TSHZ2: variants seen among roughly 807,000 people sequenced by gnomAD.
TSHZ2 encodes the protein teashirt zinc finger homeobox 2.
TSHZ2 carries 21 observed loss-of-function variants against 74.4 expected under a neutral mutation model. That is an observed-to-expected ratio of 0.28 (90% CI 0.20 to 0.41). The LOEUF (loss-of-function observed/expected upper bound fraction) is 0.41. Among genes scored for constraint, TSHZ2 ranks in the 10% least tolerant of loss-of-function variants. The pLI, the probability that TSHZ2 is intolerant of heterozygous loss-of-function variation, is 1.00. For synonymous variants in TSHZ2, 540 were observed against 515.3 expected (o/e 1.05, Z -0.65); for missense variants, 1,244 against 1,293.5 (o/e 0.96, Z 0.59).
intron 1 of TSHZ2, among the ~76,000 whole-genome samples, chr20:53,209,725 G>A (rs554184105): frequency 6.6e-6 from 1 of 152,154 alleles, no homozygotes; most frequent in Admixed American, 6.5e-5. Context: ...GTTTGGAGCC[G>A]AGCTGAACTG....
At chr20:53,426,619 C>T (rs1033492686) in intron 2 of TSHZ2, among the ~76,000 whole-genome samples, 2 of 152,012 alleles carry the variant, frequency 1.3e-5, no homozygotes, top group South Asian at 2.1e-4. Flanking sequence ...TTTATTTTAG[C>T]GGAAGTTTCA....
At chr20:53,027,675 C>G (rs1414206910) in intron 1 of TSHZ2, among the ~76,000 whole-genome samples, 1 of 152,102 alleles carries the variant, frequency 6.6e-6, no homozygotes, top group Non-Finnish European at 1.5e-5. Context: ...CAGGGGATCG[C>G]TTGAGCCCAG....
intron 1 of TSHZ2, among the ~76,000 whole-genome samples, chr20:53,119,777 C>T (rs1986762374): frequency 6.6e-6 from 1 of 152,174 alleles, no homozygotes; most frequent in South Asian, 2.1e-4. Flanking sequence ...ATGGGGTTCA[C>T]TTTATATTTC....
rs1257480834 is a variant in TSHZ2, at chr20:53,238,482, G to A, written c.41-15017G>A. 3.9e-5 allele frequency among the ~76,000 whole-genome samples: 6 copies of A among 152,234 alleles called. No individual in the cohort carries two copies. In the East Asian group the frequency reaches 1.2e-3, roughly 29 times the overall value. The stretch of plus-strand genomic sequence containing the variant: ...TCAGAATTCACATTCCATGGAGCAA[G>A]AGTTTGGTTGGCCAAGCTGGTGTTC... On this transcript the variant is annotated intron_variant, in intron 1 of 2. Coordinates refer to ENST00000371497, the MANE Select transcript of TSHZ2 (RefSeq NM_173485.6).
chr20:53,054,681 C>T (rs1371582073), intron 1 of TSHZ2, among the ~76,000 whole-genome samples: 1 of 152,114 alleles, frequency 6.6e-6, no homozygotes, highest in African/African-American at 2.4e-5. Flanking sequence ...ATAAAATTTG[C>T]AAAAGTAAGA....
At chr20:53,469,354 G>A (rs535531617) in intron 2 of TSHZ2, among the ~76,000 whole-genome samples, 17 of 151,676 alleles carry the variant, frequency 1.1e-4, no homozygotes, top group African/African-American at 4.1e-4. Flanking sequence ...GACCAGCCTG[G>A]CCAACATGGT....
At chr20:53,284,942 C>A (rs970458797) in intron 2 of TSHZ2, among the ~76,000 whole-genome samples, 3 of 152,116 alleles carry the variant, frequency 2.0e-5, no homozygotes, top group African/African-American at 7.2e-5. Flanking sequence ...TGAAAGGCAG[C>A]AGAGGAAATG....
intron 2 of TSHZ2, among the ~76,000 whole-genome samples, chr20:53,394,001 A>T (rs113883645): frequency 1.3e-5 from 2 of 152,394 alleles, no homozygotes; most frequent in East Asian, 3.9e-4. Context: ...AAAAACTGAC[A>T]GAGTGACTGG....
At chr20:53,375,063 T>TAC (rs1981613616) in intron 2 of TSHZ2, among the ~76,000 whole-genome samples, 1 of 152,060 alleles carries the variant, frequency 6.6e-6, no homozygotes, top group African/African-American at 2.4e-5. Flanking sequence ...CATGTGTACA[T>TAC]ACACACACAC....
At chr20:53,290,537 AAAGTATCATTCTAAC>A (rs1333499362) in intron 2 of TSHZ2, among the ~76,000 whole-genome samples, 1 of 152,162 alleles carries the variant, frequency 6.6e-6, no homozygotes, top group Non-Finnish European at 1.5e-5. Context: ...TTGGGGAATA[AAAGTATCATTCTAAC>A]AATGTCCCCC....
In TSHZ2 at chr20:53,126,329, G is replaced by A. The variant is rs184256904; in HGVS notation, c.41-127170G>A. Among the ~76,000 whole-genome samples, 32 of 152,304 alleles carry A rather than the reference G, an allele frequency of 2.1e-4. No individual in the cohort carries two copies. The East Asian group carries it at 5.8e-3, about 28-fold the overall frequency. On this transcript the variant is annotated intron_variant, in intron 1 of 2. Transcript: ENST00000371497. ...CAGAAATTAGGGACTGCCTTGTCCC[G>A]TAATTTGATGCCCTACATGGGGAAA...
chr20:53,002,173 G>T (rs1449733436), intron 1 of TSHZ2, among the ~76,000 whole-genome samples: 1 of 152,172 alleles, frequency 6.6e-6, no homozygotes, highest in African/African-American at 2.4e-5. Context: ...CCCCAGTAAA[G>T]AGACATAATG....
In TSHZ2 at chr20:53,272,433, ACT is replaced by A. The variant is rs554551532; in HGVS notation, c.*8+15865_*8+15866del. ...TCCTGTTGTATTCCTTGGAACCCAG[ACT>A]CTACAAATATTGGATAAAAGAAAGG... On this transcript the variant is annotated intron_variant, in intron 2 of 2. Transcript: ENST00000371497. Among the ~76,000 whole-genome samples, 12 of 152,132 alleles carry A rather than the reference ACT, an allele frequency of 7.9e-5. No homozygotes were observed. In the South Asian group the frequency reaches 2.5e-3, roughly 32 times the overall value.
At chr20:53,391,484 T>A (rs371811349) in intron 2 of TSHZ2, among the ~76,000 whole-genome samples, 3,093 of 151,852 alleles carry the variant, frequency 0.02, 104 homozygotes, top group African/African-American at 0.071. Context: ...TTTTTGTTTT[T>A]TTTTTTTTAC....
At chr20:53,119,369 C>T (rs1341253761) in intron 1 of TSHZ2, among the ~76,000 whole-genome samples, 2 of 152,188 alleles carry the variant, frequency 1.3e-5, no homozygotes, top group Middle Eastern at 3.2e-3. Flanking sequence ...TGTCATCAAA[C>T]TTAAGCAAAT....
At chr20:53,023,406 A>G (rs982282628) in intron 1 of TSHZ2, among the ~76,000 whole-genome samples, 2 of 152,228 alleles carry the variant, frequency 1.3e-5, no homozygotes, top group African/African-American at 4.8e-5. Flanking sequence ...AAACCTCAAC[A>G]TTAACCTAAA....
intron 1 of TSHZ2, among the ~76,000 whole-genome samples, chr20:53,131,892 G>T (rs1347830677): frequency 2.1e-5 from 3 of 142,336 alleles, no homozygotes; most frequent in South Asian, 2.2e-4. Flanking sequence ...GCAGAATTTT[G>T]CTCTGTAAAA....
chr20:53,348,364 T>A (rs1270420031), intron 2 of TSHZ2, among the ~76,000 whole-genome samples: 1 of 152,174 alleles, frequency 6.6e-6, no homozygotes, highest in Non-Finnish European at 1.5e-5. Context: ...CATCGTTACA[T>A]CCTCAGTAGT....
At chr20:53,069,947 C>T (rs1033303112) in intron 1 of TSHZ2, among the ~76,000 whole-genome samples, 6 of 152,190 alleles carry the variant, frequency 3.9e-5, no homozygotes, top group Admixed American at 2.6e-4. Context: ...CATCTTTACA[C>T]TATCCATCTA....
Sources: allele counts gnomAD v4.1 joint callset (sites outside exome capture counted in the v4.1 genomes callset), GRCh38; gene constraint gnomAD v4.1.1; transcripts MANE v1.5; gene names NCBI Gene and HGNC (gene_info 2026-07-23, HGNC 2026-07-21).